MCTP1: variants seen among roughly 807,000 people sequenced by gnomAD.
MCTP1 encodes the protein multiple C2 and transmembrane domain containing 1, also known as multiple C2 and transmembrane domain-containing protein 1.
MCTP1 carries 69 observed loss-of-function variants against 120.6 expected under a neutral mutation model. The ratio of observed to expected loss-of-function variants is 0.57; its 90% CI spans 0.47 to 0.70. The LOEUF (loss-of-function observed/expected upper bound fraction) is 0.70, where lower values mean the gene tolerates loss of function less well. Ranked by LOEUF, MCTP1 falls within the 30% of genes least tolerant of loss-of-function variation. The pLI, the probability that MCTP1 is intolerant of heterozygous loss-of-function variation, is 0.00. For synonymous variants in MCTP1, 529 were observed against 493.1 expected (o/e 1.07, Z -0.96); for missense variants, 1,203 against 1,248.8 (o/e 0.96, Z 0.55).
At chr5:95,049,096 A>G (rs1745261611) in intron 1 of MCTP1, among the ~76,000 whole-genome samples, 1 of 152,142 alleles carries the variant, frequency 6.6e-6, no homozygotes, top group Non-Finnish European at 1.5e-5. Context: ...GTCATCTTTA[A>G]TTAAAGAAGA....
chr5:94,750,022 T>A (rs547103582), intron 19 of MCTP1, among the ~76,000 whole-genome samples: 4 of 152,180 alleles, frequency 2.6e-5, no homozygotes, highest in African/African-American at 9.7e-5. Context: ...AAAATCTACG[T>A]CCTTTAGTAG....
intron 1 of MCTP1, among the ~76,000 whole-genome samples, chr5:95,274,565 A>G (rs1759660197): frequency 6.6e-6 from 1 of 152,054 alleles, no homozygotes; most frequent in African/African-American, 2.4e-5. Flanking sequence ...AGGTATCTCC[A>G]TTTATAAAAA....
intron 1 of MCTP1, among the ~76,000 whole-genome samples, chr5:95,048,372 A>C (rs1745082263): frequency 6.6e-6 from 1 of 152,172 alleles, no homozygotes; most frequent in Non-Finnish European, 1.5e-5. Flanking sequence ...TTATAATGTC[A>C]ATTTGTCACT....
At chr5:94,928,382 T>C (rs912216325) in intron 6 of MCTP1, among the ~76,000 whole-genome samples, 1 of 152,194 alleles carries the variant, frequency 6.6e-6, no homozygotes, top group Non-Finnish European at 1.5e-5. Flanking sequence ...TGAAACTTTC[T>C]TGATGAATAA....
At chr5:95,115,786 T>TA (rs1757786506) in intron 1 of MCTP1, among the ~76,000 whole-genome samples, 1 of 152,102 alleles carries the variant, frequency 6.6e-6, no homozygotes, top group South Asian at 2.1e-4. Context: ...AAGAAGGTTA[T>TA]AGAATACCAA....
chr5:95,264,951 G>C (rs955277654), intron 1 of MCTP1, among the ~76,000 whole-genome samples: 7 of 152,168 alleles, frequency 4.6e-5, no homozygotes, highest in African/African-American at 1.7e-4. Context: ...CCTGCTCTGG[G>C]TCTTTTCAGG....
chr5:94,751,464 A>G lies in MCTP1; in HGVS notation c.2610+27646T>C, dbSNP rs560485414. ...AAAAATTCTAAGACTTCTCAAAGGC[A>G]GGTGACCTTGAAAGCCTAATAAAAG... On this transcript the variant is annotated intron_variant, in intron 19 of 22. Coordinates refer to ENST00000515393, the MANE Select transcript of MCTP1 (RefSeq NM_024717.7). Among the ~76,000 whole-genome samples, 6 of 151,944 alleles carry G rather than the reference A, an allele frequency of 3.9e-5. No homozygotes were observed. The South Asian group carries it at 1.2e-3, about 32-fold the overall frequency.
chr5:95,125,951 T>C (rs1014294830), intron 1 of MCTP1, among the ~76,000 whole-genome samples: 2 of 152,210 alleles, frequency 1.3e-5, no homozygotes, highest in African/African-American at 4.8e-5. Flanking sequence ...AGCATCCTTA[T>C]AAAAATCTAA....
intron 1 of MCTP1, among the ~76,000 whole-genome samples, chr5:95,090,001 C>A (rs72779432): frequency 0.051 from 7,815 of 152,204 alleles, 222 homozygotes; most frequent in Middle Eastern, 0.075. Context: ...CTCCCCAGGG[C>A]CCCATCTGGT....
chr5:95,036,577 G>A (rs948399749), intron 1 of MCTP1, among the ~76,000 whole-genome samples: 4 of 152,098 alleles, frequency 2.6e-5, no homozygotes, highest in South Asian at 2.1e-4. Context: ...GAGTTTCCTC[G>A]TCAGAACCCT....
intron 1 of MCTP1, among the ~76,000 whole-genome samples, chr5:95,089,523 A>G (rs1016456291): frequency 1.3e-5 from 2 of 152,220 alleles, no homozygotes; most frequent in Non-Finnish European, 2.9e-5. Flanking sequence ...ATTGGGTAAA[A>G]ATAACACCTT....
Position 94,939,584 on chromosome 5 carries a change from G to A in MCTP1, c.1173+500C>T, listed in dbSNP as rs181715555. ...GTACAGACAGCTAGTGCTGAAAAAT[G>A]GGTAATATCAACATGAAAGCCCATC... On this transcript the variant is annotated intron_variant, in intron 5 of 22. Coordinates refer to ENST00000515393, the MANE Select transcript of MCTP1 (RefSeq NM_024717.7). Among the ~76,000 whole-genome samples the A allele has an allele frequency of 1.8e-4, 28 of 152,072 alleles. No individual in the cohort carries two copies. The East Asian group carries it at 5.4e-3, about 29-fold the overall frequency.
chr5:95,110,769 A>G (rs1757394761), intron 1 of MCTP1, among the ~76,000 whole-genome samples: 1 of 152,160 alleles, frequency 6.6e-6, no homozygotes, highest in South Asian at 2.1e-4. Context: ...AAGTGCAGCT[A>G]AAATTCAGAA....
chr5:95,108,022 G>A (rs143200231), intron 1 of MCTP1, among the ~76,000 whole-genome samples: 70 of 152,294 alleles, frequency 4.6e-4, no homozygotes, highest in African/African-American at 1.6e-3. Flanking sequence ...AAGTGAACTT[G>A]GGGTTTAGTT....
At chr5:94,937,281 A>T (rs937024257) in intron 5 of MCTP1, among the ~76,000 whole-genome samples, 3 of 152,086 alleles carry the variant, frequency 2.0e-5, no homozygotes, top group Non-Finnish European at 4.4e-5. Context: ...ATGCAAAAAA[A>T]CTTTTTGAGA....
intron 2 of MCTP1, among the ~76,000 whole-genome samples, chr5:95,006,005 G>T (rs1174368843): frequency 6.6e-6 from 1 of 152,050 alleles, no homozygotes; most frequent in Non-Finnish European, 1.5e-5. Flanking sequence ...CTCTCACAAA[G>T]ACTGAGACAA....
At chr5:94,744,391 T>C (rs1462226845) in intron 19 of MCTP1, among the ~76,000 whole-genome samples, 5 of 152,240 alleles carry the variant, frequency 3.3e-5, no homozygotes, top group Non-Finnish European at 5.9e-5. Context: ...GCAAGAAGCA[T>C]GGATAACGGA....
rs1748481990 is a variant in MCTP1, at chr5:95,180,497, G to C, written c.720+103359C>G. ...CTTCTTCACATGTTACTAAAATTTG[G>C]TTTCTGGGCACTGTGCTTTCTTGGC... On this transcript the variant is annotated intron_variant, in intron 1 of 22. Transcript: ENST00000515393. Among the ~76,000 whole-genome samples the C allele has an allele frequency of 2.0e-5, 3 of 152,080 alleles. No individual in the cohort carries two copies. In the South Asian group the frequency reaches 6.2e-4, roughly 32 times the overall value.
At chr5:94,928,136 T>G (rs1813632298) in intron 6 of MCTP1, among the ~76,000 whole-genome samples, 1 of 151,842 alleles carries the variant, frequency 6.6e-6, no homozygotes, top group Non-Finnish European at 1.5e-5. Context: ...ATAATTGAAG[T>G]AATTTATTGA....
Sources: allele counts gnomAD v4.1 joint callset (sites outside exome capture counted in the v4.1 genomes callset), GRCh38; gene constraint gnomAD v4.1.1; transcripts MANE v1.5; gene names NCBI Gene and HGNC (gene_info 2026-07-23, HGNC 2026-07-21).